The following TJAP1 variants were observed in gnomAD, a reference collection of about 807,000 sequenced individuals.
TJAP1 encodes the protein tight junction-associated protein 1.
A neutral mutation model predicts 42.0 loss-of-function variants in TJAP1; 27 were observed. That is an observed-to-expected ratio of 0.64 (90% confidence interval 0.47 to 0.89). TJAP1 has a LOEUF of 0.89. Among genes scored for constraint, TJAP1 ranks in the 40% least tolerant of loss-of-function variants. TJAP1 has a pLI of 0.00. For synonymous variants in TJAP1, 257 were observed against 288.4 expected, an observed-to-expected ratio of 0.89 and a Z score of 1.10; for missense variants, 712 against 726.9, an observed-to-expected ratio of 0.98 and a Z score of 0.24.
intron 5 of TJAP1, 23 bp downstream of exon 5, chr6:43,500,795 A>G: frequency 6.2e-7 from 1 of 1,614,004 alleles, no homozygotes; most frequent in Non-Finnish European, 8.5e-7. Context: ...TACCTGAGAT[A>G]CTGCCCTGCC....
rs527731288 is a variant in TJAP1, at chr6:43,505,436, G to A, written c.1255G>A (p.Val419Met). Reference sequence around the variant, plus strand: ...GCTGGTCAGCTGGCAGCGGGCATTTGTGGACCGTACTCCACCACCTGCTGC... The same window carrying A: ...GCTGGTCAGCTGGCAGCGGGCATTTATGGACCGTACTCCACCACCTGCTGC... The change falls in exon 11 of 11, where the codon GTG becomes ATG. Residue 419 changes from valine (V) to methionine (M), a missense_variant. Physicochemically the swap from Val to Met is conservative, Grantham distance 21. Coordinates refer to ENST00000372449, the Ensembl canonical transcript of TJAP1. This position sits in a 1 kb window ranked among gnomAD's most constrained non-coding sequence, Gnocchi z 5.5. 5.0e-6 allele frequency: 8 copies of A among 1,613,092 alleles called. No individual in the cohort carries two copies. Among genetic ancestry groups the A allele is most frequent in the Non-Finnish European group, 5.9e-6 (7 of 1,180,016 alleles).
intron 2 of TJAP1, among the ~76,000 whole-genome samples, chr6:43,496,715 T>C (rs1488046090): frequency 1.3e-5 from 2 of 149,160 alleles, no homozygotes; most frequent in African/African-American, 4.9e-5. Context: ...TGGGAACACA[T>C]GCTTTAGCCC....
intron 7 of TJAP1, 42 bp from the exon 8 acceptor site, chr6:43,502,546 C>G (rs762486654): frequency 1.3e-6 from 2 of 1,550,924 alleles, no homozygotes; most frequent in Non-Finnish European, 1.7e-6. Flanking sequence ...TTCCTCGTCT[C>G]CCCCTCATGC....
At chr6:43,500,366 C>G (rs1189325248) in intron 4 of TJAP1, among the ~76,000 whole-genome samples, 1 of 152,192 alleles carries the variant, frequency 6.6e-6, no homozygotes, top group African/African-American at 2.4e-5. Context: ...TATAGTTCAG[C>G]CTGACTTTTC....
chr6:43,502,768 T>A, intron 8 of TJAP1, 151 bp downstream of exon 8: 2 of 882,358 alleles, frequency 2.3e-6, no homozygotes, highest in South Asian at 2.9e-5. Flanking sequence ...TGTCAATGCC[T>A]CCCTCCCAGG....
chr6:43,502,903 G>A, intron 8 of TJAP1: 2 of 553,072 alleles, frequency 3.6e-6, no homozygotes. Flanking sequence ...GGAGTGGGGA[G>A]GGGAGGCTGC....
rs1368262694 is a variant in TJAP1 at position 43,505,975 on chromosome 6, G to A, written c.*120G>A. The A allele has an allele frequency of 7.2e-6, 8 of 1,104,408 alleles. No individual in the cohort carries two copies. Among genetic ancestry groups the A allele is most frequent in the East Asian group, 2.8e-5 (1 of 35,614 alleles). 68.4% of individuals were successfully genotyped at this position (1,104,408 alleles called of 1,614,324 possible). ...CTCCTCTATCCAGACCCGCACAGCT[G>A]TTTCCTGTGTGGATGGGGTCAGGTT... On this transcript the variant is annotated 3_prime_UTR_variant, in exon 11 of 11. Transcript: ENST00000372449. The surrounding 1 kb of genome is among the most constrained non-coding windows in gnomAD (Gnocchi z 5.5).
rs1322208010 is a variant in TJAP1, at chr6:43,492,405, A to T, written c.-121-5476A>T. Among the ~76,000 whole-genome samples the T allele has an allele frequency of 6.6e-6, 1 of 152,114 alleles. No homozygotes were observed. The highest frequency in any genetic ancestry group is 2.4e-5 in the African/African-American group (1 of 41,418). On this transcript the variant is annotated intron_variant, in intron 2 of 10. Coordinates refer to ENST00000372449, the Ensembl canonical transcript of TJAP1. This position sits in a 1 kb window ranked among gnomAD's most constrained non-coding sequence, Gnocchi z 4.2. ...GGCAGCAGGGCTGGTCTGGGCACAGACTGACATCTTCTAGCCTTGTCTTCA... is the reference window on the plus strand; with the variant it reads ...GGCAGCAGGGCTGGTCTGGGCACAGTCTGACATCTTCTAGCCTTGTCTTCA...
chr6:43,498,949 G>T, intron 3 of TJAP1, 29 bp from the exon 4 acceptor site: 1 of 1,604,778 alleles, frequency 6.2e-7, no homozygotes, highest in South Asian at 1.1e-5. Context: ...CCACATCTCT[G>T]AGCCTGCCTC....
chr6:43,490,803 C>A (rs1787646068), intron 2 of TJAP1, among the ~76,000 whole-genome samples: 1 of 152,178 alleles, frequency 6.6e-6, no homozygotes, highest in African/African-American at 2.4e-5. Context: ...AGAGTGGGGG[C>A]AGGACCTGGC....
At chr6:43,483,782 G>A (rs866281881) in intron 2 of TJAP1, among the ~76,000 whole-genome samples, 3 of 152,194 alleles carry the variant, frequency 2.0e-5, no homozygotes, top group Non-Finnish European at 2.9e-5. Context: ...AGGTTGGCTG[G>A]GTGTAGTAGC....
chr6:43,505,789 G>A lies in TJAP1; in HGVS notation c.1608G>A (p.Gly536=). 1 of 1,506,456 alleles carries A rather than the reference G, an allele frequency of 6.6e-7. No individual in the cohort carries two copies. Among genetic ancestry groups the A allele is most frequent in the South Asian group, 1.3e-5 (1 of 74,568 alleles). 93.3% of individuals were successfully genotyped at this position (1,506,456 alleles called of 1,614,324 possible). A position where few individuals can be genotyped will look rare whatever the true frequency, so the allele number is the denominator to read the frequency against. ...CCCAGCGCAGCCCCAAGAGGATGGG[G>A]GTTCACCACCTGCACCGCAAGGACA... The change falls in exon 11 of 11, where the codon GGG becomes GGA. Residue 536 remains glycine (G), a synonymous_variant. Transcript: ENST00000372449. The surrounding 1 kb of genome is among the most constrained non-coding windows in gnomAD (Gnocchi z 5.5).
intron 2 of TJAP1, among the ~76,000 whole-genome samples, chr6:43,482,669 A>G (rs960424436): frequency 3.3e-5 from 5 of 152,194 alleles, no homozygotes; most frequent in African/African-American, 1.2e-4. Flanking sequence ...AACAGAGACT[A>G]TGTCTTATTC....
chr6:43,491,307 T>TG lies in TJAP1; in HGVS notation c.-121-6573dup, dbSNP rs1787769779. 2.0e-5 allele frequency among the ~76,000 whole-genome samples: 3 copies of TG among 152,324 alleles called. No individual in the cohort carries two copies. The South Asian group carries it at 6.2e-4, about 32-fold the overall frequency. Reference sequence around the variant, plus strand: ...TCTGTTTGTTTTTTTGGGTTTTTTTTGAGACAGAGTTTCGCTCTTGTTGCC... The same window carrying TG: ...TCTGTTTGTTTTTTTGGGTTTTTTTTGGAGACAGAGTTTCGCTCTTGTTGCC... On this transcript the variant is annotated intron_variant, in intron 2 of 10. Coordinates refer to ENST00000372449, the Ensembl canonical transcript of TJAP1. This position sits in a 1 kb window ranked among gnomAD's most constrained non-coding sequence, Gnocchi z 4.6.
In TJAP1 at chr6:43,491,602, T is replaced by C. The variant is rs548127555; in HGVS notation, c.-121-6279T>C. Reference sequence around the variant, plus strand: ...ACTGTGCCTGGCCCGATGAGAAATATCTTGATGAAAATGCACTACGTCCAA... The same window carrying C: ...ACTGTGCCTGGCCCGATGAGAAATACCTTGATGAAAATGCACTACGTCCAA... On this transcript the variant is annotated intron_variant, in intron 2 of 10. Coordinates refer to ENST00000372449, the Ensembl canonical transcript of TJAP1. The surrounding 1 kb of genome is among the most constrained non-coding windows in gnomAD (Gnocchi z 4.6). 2.2e-4 allele frequency among the ~76,000 whole-genome samples: 33 copies of C among 152,300 alleles called. No homozygotes were observed. The South Asian group carries it at 3.9e-3, about 18-fold the overall frequency.
At chr6:43,501,495 C>T (rs1166716260) in intron 5 of TJAP1, 31 bp from the exon 6 acceptor site, 1 of 1,602,252 alleles carries the variant, frequency 6.2e-7, no homozygotes, top group Non-Finnish European at 8.5e-7. Flanking sequence ...TCTCATACCC[C>T]TCTGCCCTTG....
chr6:43,480,451 G>A (rs1785073648), intron 2 of TJAP1, among the ~76,000 whole-genome samples: 1 of 152,214 alleles, frequency 6.6e-6, no homozygotes, highest in Non-Finnish European at 1.5e-5. Context: ...AACAATAATG[G>A]TGCTTATTGA....
At chr6:43,497,212 G>A (rs892759564) in intron 2 of TJAP1, 1 of 152,140 alleles carries the variant, frequency 6.6e-6, no homozygotes, top group Non-Finnish European at 1.5e-5. Flanking sequence ...TCCAGGTTTC[G>A]ACAACCAAAA....
Position 43,495,096 on chromosome 6 carries a change from A to G in TJAP1, c.-121-2785A>G, listed in dbSNP as rs1385605521. Among the ~76,000 whole-genome samples the G allele has an allele frequency of 6.6e-6, 1 of 152,210 alleles. No individual in the cohort carries two copies. The highest frequency in any genetic ancestry group is 1.5e-5 in the Non-Finnish European group (1 of 68,022). On this transcript the variant is annotated intron_variant, in intron 2 of 10. Transcript: ENST00000372449. The surrounding 1 kb of genome is among the most constrained non-coding windows in gnomAD (Gnocchi z 4.6). The stretch of plus-strand genomic sequence containing the variant: ...TCCTTGGGCTGAAACACTCCAAGGC[A>G]ACTTGGGAAACCTTTGGGTGAAGGA...
Sources: gnomAD v4.1 joint callset for allele counts (sites outside exome capture counted in the v4.1 genomes callset) on GRCh38, gnomAD v4.1.1 for gene constraint, Gnocchi (gnomAD v3.1) non-coding constraint, MANE v1.5 for transcripts, NCBI Gene and HGNC (gene_info 2026-07-23, HGNC 2026-07-21) for gene names.